The following CFAP54 variants were observed in gnomAD, a reference collection of about 807,000 sequenced individuals.
The protein encoded by CFAP54 is cilia- and flagella-associated protein 54.
A neutral mutation model predicts 370.4 loss-of-function variants in CFAP54; 290 were observed. The observed-to-expected ratio is 0.78, with a 90% CI of 0.71 to 0.86. CFAP54 has a LOEUF of 0.86. CFAP54 is among the 40% of genes least tolerant of loss of function. The probability of loss-of-function intolerance (pLI) is 0.00; values close to 1 mark genes in which losing one functional copy is unlikely to be tolerated. For synonymous variants in CFAP54, 1,206 were observed against 1,236.5 expected (o/e 0.98, Z 0.52); for missense variants, 3,399 against 3,528.7 (o/e 0.96, Z 0.93).
At chr12:96,766,231 AT>A (rs1407307497) in intron 60 of CFAP54, among the ~76,000 whole-genome samples, 1 of 152,014 alleles carries the variant, frequency 6.6e-6, no homozygotes. Context: ...GTCCCAAATT[AT>A]TTTGCAAACT....
At chr12:96,848,991 A>G (rs185976334) in intron 66 of CFAP54, among the ~76,000 whole-genome samples, 53 of 152,328 alleles carry the variant, frequency 3.5e-4, no homozygotes, top group African/African-American at 1.2e-3. Flanking sequence ...AGTGAAAGCA[A>G]ATATATCTAG....
chr12:96,490,841 T>C (rs1334944154), intron 1 of CFAP54, among the ~76,000 whole-genome samples: 4 of 152,138 alleles, frequency 2.6e-5, no homozygotes, highest in African/African-American at 9.7e-5. Flanking sequence ...CATGTCCTTA[T>C]AGAGCATATG....
At chr12:96,643,927 A>C (rs552594591) in intron 32 of CFAP54, among the ~76,000 whole-genome samples, 1 of 152,158 alleles carries the variant, frequency 6.6e-6, no homozygotes, top group Non-Finnish European at 1.5e-5. Context: ...GTTTTAGCTA[A>C]GGACACAGAC....
chr12:96,595,566 A>G (rs815894), intron 25 of CFAP54, among the ~76,000 whole-genome samples: 47,772 of 151,998 alleles, frequency 0.31, 7,660 homozygotes, highest in South Asian at 0.35. Flanking sequence ...GTACATGATC[A>G]AGAAGACTAA....
rs1433286282 is a variant in CFAP54 at position 96,580,979 on chromosome 12, T to C, written c.2949T>C (p.Tyr983=). 6.5e-7 allele frequency: 1 copy of C among 1,534,050 alleles called. No individual in the cohort carries two copies. ...EVKGLETNEK[Y]VFAVAAYSNN... ...AAGGTTTAGAAACCAATGAAAAGTA[T>C]GTATTTGCAGTTGCTGCCTATTCTA... Residue 983 remains tyrosine, a synonymous_variant, in exon 22 of 68, where the codon TAT becomes TAC. Transcript: ENST00000524981.
chr12:96,691,369 C>A, intron 44 of CFAP54, 59 bp downstream of exon 44: 1 of 1,270,364 alleles, frequency 7.9e-7, no homozygotes, highest in East Asian at 2.6e-5. Context: ...CCACTTACCT[C>A]ATACTTTTAA....
chr12:96,774,728 A>G lies in CFAP54; in HGVS notation c.8281+9510A>G, dbSNP rs148800218. On this transcript the variant is annotated intron_variant, in intron 60 of 67. Transcript: ENST00000524981. ...CATTTTTATTCTACTGAATCATCTT[A>G]ACCAAGAATATTATATGCCCTTTAT... 4.5e-3 allele frequency among the ~76,000 whole-genome samples: 684 copies of G among 152,264 alleles called. 2 individuals are homozygous for G. Among genetic ancestry groups the G allele is most frequent in the African/African-American group, 0.016 (650 of 41,566 alleles).
chr12:96,624,909 A>C (rs537835209), intron 28 of CFAP54, among the ~76,000 whole-genome samples: 1 of 152,318 alleles, frequency 6.6e-6, no homozygotes, highest in East Asian at 1.9e-4. Flanking sequence ...TAATCATCTT[A>C]TTATATATAT....
intron 65 of CFAP54, among the ~76,000 whole-genome samples, chr12:96,819,119 T>G (rs1358035329): frequency 1.3e-5 from 2 of 152,222 alleles, no homozygotes; most frequent in African/African-American, 4.8e-5. Context: ...TTTTAGCTGC[T>G]ACGTTTGTTA....
chr12:96,757,806 C>A lies in CFAP54; in HGVS notation c.8040+218C>A, dbSNP rs117671274. Among the ~76,000 whole-genome samples the A allele has an allele frequency of 6.8e-3, 1,040 of 152,110 alleles. 5 individuals are homozygous for A. The highest frequency in any genetic ancestry group is 0.011 in the Non-Finnish European group (762 of 68,004). On this transcript the variant is annotated intron_variant, in intron 58 of 67. Transcript: ENST00000524981. ...AATTATTTTTATATACACATTTCTG[C>A]CTGTGAAAATGTTATCCATAAAATG...
chr12:96,748,971 C>T (rs1958152352), intron 55 of CFAP54, among the ~76,000 whole-genome samples: 1 of 152,144 alleles, frequency 6.6e-6, no homozygotes, highest in Admixed American at 6.5e-5. Context: ...ACTAGTACAT[C>T]GAGAGCCATC....
chr12:96,580,641 T>C lies in CFAP54; in HGVS notation c.2841T>C (p.Tyr947=), dbSNP rs1335568295. 5 of 1,527,926 alleles carry C rather than the reference T, an allele frequency of 3.3e-6. No homozygotes were observed. The highest frequency in any genetic ancestry group is 4.4e-6 in the Non-Finnish European group (5 of 1,142,778). 94.6% of individuals were successfully genotyped at this position (1,527,926 alleles called of 1,614,324 possible). ...TGGGTTGCAAAGCAGAAGGAAGTTA[T>C]GGAAAAGTACGGCTAAACAATAATC... ...CILGCKAEGS[Y]GKVRLNNNHL... The change falls in exon 21 of 68, where the codon TAT becomes TAC. Residue 947 remains tyrosine, a synonymous_variant. Transcript: ENST00000524981.
At position 96,693,755 on chromosome 12, in the gene CFAP54, G is replaced by A. The variant is rs1367459479; in HGVS notation, c.6298G>A (p.Val2100Ile). Residue 2100 changes from valine (V) to isoleucine (I), a missense_variant, in exon 45 of 68, where the codon GTT becomes ATT. Around this residue, in one of 3 missense-constraint regions of CFAP54, gnomAD observed 2,796 missense variants for 2,869.7 expected, o/e 0.97. Transcript: ENST00000524981. ...TCTCCTTGCATTGTATCAATATTTTGTTTCTGGAATTTGTCAAGACATAAC... is the reference window on the plus strand; with the variant it reads ...TCTCCTTGCATTGTATCAATATTTTATTTCTGGAATTTGTCAAGACATAAC... The part of the protein sequence containing the change: ...LPLLALYQYF[V>I]SGICQDITRN... The A allele has an allele frequency of 6.2e-6, 10 of 1,601,612 alleles. No individual in the cohort carries two copies. Among genetic ancestry groups the A allele is most frequent in the South Asian group, 1.1e-5 (1 of 90,260 alleles).
At chr12:96,752,695 A>G (rs1332717456) in intron 55 of CFAP54, among the ~76,000 whole-genome samples, 1 of 152,228 alleles carries the variant, frequency 6.6e-6, no homozygotes, top group East Asian at 1.9e-4. Context: ...GCCTGCTAGC[A>G]AAGTGCCCCG....
intron 14 of CFAP54, among the ~76,000 whole-genome samples, chr12:96,542,275 A>C (rs146319591): frequency 1.3e-5 from 2 of 152,300 alleles, no homozygotes; most frequent in African/African-American, 4.8e-5. Context: ...GCTTGTTAAA[A>C]ATGCAAGGCC....
chr12:96,649,446 T>C (rs1349987717), intron 34 of CFAP54, among the ~76,000 whole-genome samples: 1 of 152,162 alleles, frequency 6.6e-6, no homozygotes, highest in Non-Finnish European at 1.5e-5. Context: ...GAGAAAGCCT[T>C]CTTTTTTATG....
intron 60 of CFAP54, among the ~76,000 whole-genome samples, chr12:96,784,381 T>A (rs1005975064): frequency 6.6e-6 from 1 of 152,196 alleles, no homozygotes; most frequent in Non-Finnish European, 1.5e-5. Context: ...TTGGGTTTAC[T>A]TTTCTATGAA....
chr12:96,841,840 C>T (rs765660678), intron 66 of CFAP54, among the ~76,000 whole-genome samples: 1 of 152,204 alleles, frequency 6.6e-6, no homozygotes, highest in Non-Finnish European at 1.5e-5. Flanking sequence ...GTTCCGCCAC[C>T]TATTGGTTGT....
chr12:96,691,458 A>G (rs1957387074), intron 44 of CFAP54, 148 bp downstream of exon 44: 1 of 519,206 alleles, frequency 1.9e-6, no homozygotes, highest in South Asian at 3.6e-5. Flanking sequence ...TTACACTTCA[A>G]ACTAAAATGT....
Sources: allele counts gnomAD v4.1 joint callset (sites outside exome capture counted in the v4.1 genomes callset), GRCh38; gene constraint gnomAD v4.1.1; regional missense constraint gnomAD v4.1.1; transcripts MANE v1.5; gene names NCBI Gene and HGNC (gene_info 2026-07-23, HGNC 2026-07-21).